The following CELF1 variants were observed in gnomAD, a reference collection of about 807,000 sequenced individuals.
The protein encoded by CELF1 is 50 kDa nuclear polyadenylated RNA-binding protein.
In CELF1, 10 loss-of-function variants were observed where a neutral mutation model predicts 61.8. The observed-to-expected ratio is 0.16, with a 90% CI of 0.10 to 0.27. CELF1 has a LOEUF of 0.27. Ranked by LOEUF, CELF1 falls within the 10% of genes least tolerant of loss-of-function variation. CELF1 has a pLI of 1.00. For synonymous variants in CELF1, 236 were observed against 225.1 expected (o/e 1.05, Z -0.43); for missense variants, 380 against 639.1 (o/e 0.59, Z 4.37).
At chr11:47,536,716 C>T (rs1334572894) in intron 1 of CELF1, among the ~76,000 whole-genome samples, 1 of 152,144 alleles carries the variant, frequency 6.6e-6, no homozygotes, top group East Asian at 1.9e-4. Flanking sequence ...TGAGAACACA[C>T]CACTGCACTC....
At chr11:47,493,500 T>A (rs1233227984) in intron 3 of CELF1, among the ~76,000 whole-genome samples, 3 of 102,962 alleles carry the variant, frequency 2.9e-5, no homozygotes, top group East Asian at 6.5e-4. Flanking sequence ...AGAGCAAGAC[T>A]CCATCTCAAA....
At chr11:47,475,894 G>T (rs1023962407) in intron 12 of CELF1, among the ~76,000 whole-genome samples, 1 of 152,134 alleles carries the variant, frequency 6.6e-6, no homozygotes, top group Admixed American at 6.5e-5. Context: ...GACAAGATGT[G>T]GGTGAACCCT....
chr11:47,484,309 C>T, intron 7 of CELF1, 80 bp downstream of exon 7: 2 of 1,485,806 alleles, frequency 1.3e-6, no homozygotes, highest in South Asian at 1.2e-5. Flanking sequence ...AGAGCAAGAC[C>T]TTGTCTCCAA....
chr11:47,535,975 G>A (rs2153705107), intron 1 of CELF1, among the ~76,000 whole-genome samples: 1 of 152,074 alleles, frequency 6.6e-6, no homozygotes, highest in African/African-American at 2.4e-5. Context: ...TGTTAGCCAG[G>A]ATGGTCTTGA....
At chr11:47,497,394 T>C (rs552293756) in intron 3 of CELF1, among the ~76,000 whole-genome samples, 4 of 152,298 alleles carry the variant, frequency 2.6e-5, no homozygotes, top group Admixed American at 1.3e-4. Context: ...ATCAAGAACA[T>C]TGGCTAACCG....
intron 7 of CELF1, 113 bp downstream of exon 7, chr11:47,484,276 C>A: frequency 8.7e-7 from 1 of 1,154,512 alleles, no homozygotes. Flanking sequence ...GAAGGCACCA[C>A]TGCACTCCAG....
At chr11:47,501,734 A>C (rs1252879986) in intron 1 of CELF1, among the ~76,000 whole-genome samples, 1 of 152,070 alleles carries the variant, frequency 6.6e-6, no homozygotes, top group Non-Finnish European at 1.5e-5. Context: ...AAGGCAGGAG[A>C]ATAGCTTGAA....
chr11:47,496,730 G>C (rs963674264), intron 3 of CELF1, among the ~76,000 whole-genome samples: 1 of 152,138 alleles, frequency 6.6e-6, no homozygotes, highest in Non-Finnish European at 1.5e-5. Flanking sequence ...GATAACATCA[G>C]AAGGGAGAAA....
intron 2 of CELF1, among the ~76,000 whole-genome samples, chr11:47,561,492 C>T (rs2097225478): frequency 6.6e-6 from 1 of 150,802 alleles, no homozygotes; most frequent in Non-Finnish European, 1.5e-5. Context: ...GACACCACAC[C>T]CACTAAAATG....
Position 47,483,519 on chromosome 11 carries a change from C to G in CELF1, c.540G>C (p.Val180=). The stretch of plus-strand genomic sequence containing the variant: ...GTGCCATGGCTCTTGTTGTAAAAGT[C>G]ACAAATGCACAACCTGGTAAGAGAA... ...PDGLSRGCAF[V]TFTTRAMAQT... The change falls in exon 8 of 15, where the codon GTG becomes GTC. Residue 180 remains valine (V), a synonymous_variant. Transcript: ENST00000687097. The G allele has an allele frequency of 6.2e-7, 1 of 1,613,738 alleles. No homozygotes were observed. The highest frequency in any genetic ancestry group is 8.5e-7 in the Non-Finnish European group (1 of 1,179,724).
Position 47,472,051 on chromosome 11 carries a change from G to T in CELF1, c.*179C>A. 1.5e-6 allele frequency: 1 copy of T among 678,522 alleles called. No homozygotes were observed. The highest frequency in any genetic ancestry group is 2.5e-6 in the Non-Finnish European group (1 of 399,688). 42.0% of individuals were successfully genotyped at this position (678,522 alleles called of 1,614,324 possible). On this transcript the variant is annotated 3_prime_UTR_variant, in exon 15 of 15. Transcript: ENST00000687097. Reference sequence around the variant, plus strand: ...CAAAGCACAAACTTGTCCTCTGTACGAAGCGAAACTCCCACAGAAGGCAGT... The same window carrying T: ...CAAAGCACAAACTTGTCCTCTGTACTAAGCGAAACTCCCACAGAAGGCAGT...
At chr11:47,531,647 C>G (rs1006556584) in intron 1 of CELF1, among the ~76,000 whole-genome samples, 34 of 152,194 alleles carry the variant, frequency 2.2e-4, no homozygotes, top group African/African-American at 8.2e-4. Flanking sequence ...GATATACCTA[C>G]TCTAGAAACA....
rs551337691 is a variant in CELF1 at position 47,542,067 on chromosome 11, G to C, written c.-154+10925C>G. Among the ~76,000 whole-genome samples the C allele has an allele frequency of 5.9e-5, 9 of 152,212 alleles. No homozygotes were observed. The South Asian group carries it at 1.7e-3, about 28-fold the overall frequency. On this transcript the variant is annotated intron_variant, in intron 1 of 14. Transcript: ENST00000687097. ...CTGGAGGTCATAAAGTTAGTGGAGA[G>C]TTCTTTCTAAAGCCGTACTGGGCTG...
chr11:47,519,657 G>A (rs753631100), intron 1 of CELF1, among the ~76,000 whole-genome samples: 48 of 152,070 alleles, frequency 3.2e-4, no homozygotes, highest in Admixed American at 1.0e-3. Flanking sequence ...GGATCACAAG[G>A]TCAGGAGATC....
At chr11:47,524,056 C>A (rs1259532734) in intron 1 of CELF1, 1 of 152,192 alleles carries the variant, frequency 6.6e-6, no homozygotes, top group Non-Finnish European at 1.5e-5. Flanking sequence ...ACAGCGCAAA[C>A]AGCATAGGTT....
rs1259383591 is a variant in CELF1 at position 47,472,279 on chromosome 11, C to T, written c.1496G>A (p.Arg499Gln). 6.2e-7 allele frequency: 1 copy of T among 1,614,006 alleles called. No homozygotes were observed. Among genetic ancestry groups the T allele is most frequent in the Non-Finnish European group, 8.5e-7 (1 of 1,180,022 alleles). Reference sequence around the variant, plus strand: ...CGAACGTTTGAGCTGCACTTTAAGCCGCTTCATGCCAATCTGAAAGCCGTT... The same window carrying T: ...CGAACGTTTGAGCTGCACTTTAAGCTGCTTCATGCCAATCTGAAAGCCGTT... ...SMNGFQIGMK[R>Q]LKVQLKRSKN... Residue 499 changes from arginine (R) to glutamine (Q), a missense_variant, in exon 15 of 15, where the codon CGG becomes CAG. Transcript: ENST00000687097.
At chr11:47,541,133 A>G (rs1014590936) in intron 1 of CELF1, among the ~76,000 whole-genome samples, 1 of 152,220 alleles carries the variant, frequency 6.6e-6, no homozygotes, top group Non-Finnish European at 1.5e-5. Context: ...CAACTGGAAA[A>G]AGCGTACAGC....
rs924508333 is a variant in CELF1, at chr11:47,561,163, C to T, written c.-11+3188G>A. On this transcript the variant is annotated intron_variant, in intron 2 of 3. Transcript: ENST00000525841. ...AAAAAAAAAAAAAAAAAGTGTATTT[C>T]GCTGGGTGAGGTGGCTCAGGCCTGT... 8.1e-5 allele frequency among the ~76,000 whole-genome samples: 10 copies of T among 123,604 alleles called. No homozygotes were observed. In the South Asian group the frequency reaches 1.3e-3, roughly 16 times the overall value. The allele number at this position is 123,604 out of a possible 152,430, so 81.1% of individuals were successfully genotyped here.
intron 3 of CELF1, among the ~76,000 whole-genome samples, chr11:47,498,352 C>G (rs1361996928): frequency 1.3e-5 from 2 of 152,192 alleles, no homozygotes; most frequent in African/African-American, 4.8e-5. Flanking sequence ...CTACAGTGAA[C>G]TGTGACTGTG....
Sources: gnomAD v4.1 joint callset for allele counts (sites outside exome capture counted in the v4.1 genomes callset) on GRCh38, gnomAD v4.1.1 for gene constraint, MANE v1.5 for transcripts, NCBI Gene and HGNC (gene_info 2026-07-23, HGNC 2026-07-21) for gene names.